CACNA1D: variants seen among roughly 807,000 people sequenced by gnomAD.
CACNA1D encodes voltage-dependent L-type calcium channel subunit alpha-1D.
In CACNA1D, 55 loss-of-function variants were observed where a neutral mutation model predicts 257.1. That is an observed-to-expected ratio of 0.21 (90% CI 0.17 to 0.27). CACNA1D has a LOEUF of 0.27. CACNA1D is among the 10% of genes least tolerant of loss of function. The pLI is 1.00. For missense variants in CACNA1D, 1,876 were observed against 2,784.0 expected (o/e 0.67, Z 7.34); for synonymous variants, 980 against 1,014.9 (o/e 0.97, Z 0.65).
chr3:53,763,432 G>A (rs1275183532), intron 30 of CACNA1D, among the ~76,000 whole-genome samples: 1 of 152,144 alleles, frequency 6.6e-6, no homozygotes, highest in African/African-American at 2.4e-5. Context: ...ATGCTAGACC[G>A]GAAGGCCTCA....
At chr3:53,778,859 G>A (rs1430094572) in intron 37 of CACNA1D, among the ~76,000 whole-genome samples, 1 of 152,244 alleles carries the variant, frequency 6.6e-6, no homozygotes, top group African/African-American at 2.4e-5. Context: ...GCCACAAGAT[G>A]TACATGATGG....
chr3:53,509,004 T>C (rs1175986172), intron 3 of CACNA1D, among the ~76,000 whole-genome samples: 1 of 151,794 alleles, frequency 6.6e-6, no homozygotes, highest in Non-Finnish European at 1.5e-5. Context: ...GATCCAGGAG[T>C]AGATGTTAGC....
At chr3:53,621,673 A>G (rs924083747) in intron 3 of CACNA1D, among the ~76,000 whole-genome samples, 3 of 151,836 alleles carry the variant, frequency 2.0e-5, no homozygotes, top group Non-Finnish European at 4.4e-5. Context: ...TGTTAAGAAA[A>G]AGTAAGTAAG....
intron 11 of CACNA1D, among the ~76,000 whole-genome samples, 153 bp from the exon 12 acceptor site, chr3:53,722,161 A>G (rs977588862): frequency 1.3e-5 from 2 of 152,156 alleles, no homozygotes; most frequent in African/African-American, 2.4e-5. Flanking sequence ...GAAGTCTGTT[A>G]ATTTCTGTGC....
At chr3:53,609,919 A>G (rs571459998) in intron 3 of CACNA1D, among the ~76,000 whole-genome samples, 8 of 152,300 alleles carry the variant, frequency 5.3e-5, no homozygotes, top group African/African-American at 1.9e-4. Flanking sequence ...TGAGTTACCT[A>G]TGCTCAGTTT....
intron 40 of CACNA1D, 59 bp downstream of exon 40, chr3:53,787,011 AAAT>A: frequency 6.4e-7 from 1 of 1,571,712 alleles, no homozygotes; most frequent in Non-Finnish European, 8.7e-7. Flanking sequence ...AGCTTATTTG[AAAT>A]ACTAGAGAGC....
chr3:53,784,890 G>C (rs1008433264), intron 39 of CACNA1D, among the ~76,000 whole-genome samples: 5 of 152,160 alleles, frequency 3.3e-5, no homozygotes, highest in African/African-American at 1.2e-4. Flanking sequence ...TGGTATGAAG[G>C]ATAGGATCCC....
At position 53,513,624 on chromosome 3, in the gene CACNA1D, C is replaced by T. The variant is rs977471053; in HGVS notation, c.483+11904C>T. 1.8e-4 allele frequency among the ~76,000 whole-genome samples: 27 copies of T among 152,112 alleles called. No homozygotes were observed. The East Asian group carries it at 1.9e-3, about 11-fold the overall frequency. ...ATTCCATCCTAGGTGACTGAGACCC[C>T]GTCTGAAAAAATAAAAATAAGTAAA... On this transcript the variant is annotated intron_variant, in intron 3 of 47. Transcript: ENST00000350061.
chr3:53,667,653 C>T (rs1018558687), intron 7 of CACNA1D, among the ~76,000 whole-genome samples: 6 of 152,176 alleles, frequency 3.9e-5, no homozygotes, highest in Admixed American at 3.9e-4. Context: ...CCTTCAGCAG[C>T]TCACAGGATT....
intron 45 of CACNA1D, 32 bp downstream of exon 45, chr3:53,805,178 CTCCCGGGGAACA>C: frequency 6.2e-7 from 1 of 1,604,882 alleles, no homozygotes; most frequent in African/African-American, 1.3e-5. Flanking sequence ...TGGGTGGAAC[CTCCCGGGGAACA>C]GTGTACCTCT....
intron 3 of CACNA1D, among the ~76,000 whole-genome samples, chr3:53,559,926 C>T (rs1195178602): frequency 6.9e-6 from 1 of 144,178 alleles, no homozygotes; most frequent in Admixed American, 6.9e-5. Context: ...AATCATTCTT[C>T]TTTCTCAGAG....
At chr3:53,512,600 G>A (rs2091160077) in intron 3 of CACNA1D, among the ~76,000 whole-genome samples, 1 of 152,192 alleles carries the variant, frequency 6.6e-6, no homozygotes, top group Non-Finnish European at 1.5e-5. Flanking sequence ...ACCGCATGGG[G>A]ATGTAGGGCA....
At chr3:53,652,471 A>C (rs1178807884) in intron 4 of CACNA1D, among the ~76,000 whole-genome samples, 1 of 152,202 alleles carries the variant, frequency 6.6e-6, no homozygotes, top group Non-Finnish European at 1.5e-5. Flanking sequence ...GCTGAGGGCT[A>C]AGCTACGCCT....
At chr3:53,563,638 A>G (rs892652386) in intron 3 of CACNA1D, among the ~76,000 whole-genome samples, 34 of 151,932 alleles carry the variant, frequency 2.2e-4, no homozygotes, top group Non-Finnish European at 1.5e-4. Flanking sequence ...ATATTTTTGA[A>G]GTTTATATAA....
At chr3:53,778,472 T>C (rs1296062466) in intron 37 of CACNA1D, among the ~76,000 whole-genome samples, 2 of 152,198 alleles carry the variant, frequency 1.3e-5, no homozygotes, top group Non-Finnish European at 2.9e-5. Context: ...GGGATGGACT[T>C]ATGCAGACAC....
intron 3 of CACNA1D, among the ~76,000 whole-genome samples, chr3:53,602,990 G>C (rs2093463895): frequency 6.6e-6 from 1 of 152,232 alleles, no homozygotes; most frequent in Non-Finnish European, 1.5e-5. Flanking sequence ...TGTCCCTCTT[G>C]GAGAGTGAGA....
intron 19 of CACNA1D, among the ~76,000 whole-genome samples, chr3:53,734,006 A>ATG (rs1214881996): frequency 6.0e-4 from 17 of 28,178 alleles, no homozygotes; most frequent in Non-Finnish European, 8.0e-4. Context: ...ATACATATAT[A>ATG]TATGTGTGTG....
chr3:53,740,152 C>T, intron 20 of CACNA1D, 128 bp from the exon 21 acceptor site: 1 of 787,064 alleles, frequency 1.3e-6, no homozygotes. Context: ...CTGCACTTAC[C>T]TTCAGAATGG....
In CACNA1D at chr3:53,789,075, G is replaced by A. The variant is rs1002031428; in HGVS notation, c.4923+2123G>A. 4.6e-5 allele frequency among the ~76,000 whole-genome samples: 7 copies of A among 152,176 alleles called. No homozygotes were observed. The highest frequency in any genetic ancestry group is 8.8e-5 in the Non-Finnish European group (6 of 68,038). ...GGTCAAATGGCATGAATGATACAGC[G>A]GCAGGTTGTGGGTTAAAAGACTCTT... On this transcript the variant is annotated intron_variant, in intron 40 of 47. Transcript: ENST00000350061. This position sits in a 1 kb window ranked among gnomAD's most constrained non-coding sequence, Gnocchi z 4.2.
Sources: allele counts gnomAD v4.1 joint callset (sites outside exome capture counted in the v4.1 genomes callset), GRCh38; gene constraint gnomAD v4.1.1; non-coding constraint Gnocchi (gnomAD v3.1); transcripts MANE v1.5; gene names NCBI Gene and HGNC (gene_info 2026-07-23, HGNC 2026-07-21).